CLNK: variants seen among roughly 807,000 people sequenced by gnomAD.
CLNK encodes the protein cytokine-dependent hematopoietic cell linker.
CLNK carries 74 observed loss-of-function variants against 68.6 expected under a neutral mutation model. The ratio of observed to expected loss-of-function variants is 1.08; its 90% CI spans 0.89 to 1.31. CLNK has a LOEUF of 1.31. Ranked by LOEUF, CLNK falls within the 50% of genes most tolerant of loss-of-function variation. The pLI, the probability that CLNK is intolerant of heterozygous loss-of-function variation, is 0.00. For synonymous variants in CLNK, 198 were observed against 172.2 expected (o/e 1.15, Z -1.17); for missense variants, 553 against 515.3 (o/e 1.07, Z -0.71).
At chr4:10,652,419 C>T (rs12509884) in intron 2 of CLNK, among the ~76,000 whole-genome samples, 58,062 of 140,394 alleles carry the variant, frequency 0.41, 12,940 homozygotes, top group Non-Finnish European at 0.51. Flanking sequence ...AAAAAGACAT[C>T]TGTTTCACTA....
intron 2 of CLNK, among the ~76,000 whole-genome samples, chr4:10,666,532 T>A (rs1198754374): frequency 1.3e-5 from 2 of 152,102 alleles, no homozygotes; most frequent in Non-Finnish European, 2.9e-5. Context: ...GAACTGGGAG[T>A]CAGACAGACT....
At chr4:10,567,131 G>GAAA (rs61037076) in intron 5 of CLNK, among the ~76,000 whole-genome samples, 25 of 110,538 alleles carry the variant, frequency 2.3e-4, no homozygotes, top group African/African-American at 6.1e-4. Context: ...ACAATCTTGG[G>GAAA]AAAAAAAAAA....
intron 2 of CLNK, among the ~76,000 whole-genome samples, chr4:10,604,852 A>G (rs1454636924): frequency 6.6e-6 from 1 of 152,254 alleles, no homozygotes; most frequent in Non-Finnish European, 1.5e-5. Context: ...CAACTTGGCT[A>G]GGCTATGGTG....
chr4:10,601,292 C>T (rs370417790), intron 2 of CLNK, among the ~76,000 whole-genome samples: 24 of 151,968 alleles, frequency 1.6e-4, no homozygotes, highest in East Asian at 3.9e-4. Flanking sequence ...GACACACCAG[C>T]GAGAAGGAAA....
rs1439766520 is a variant in CLNK, at chr4:10,488,109, T to A, written c.*2358A>T. On this transcript the variant is annotated 3_prime_UTR_variant, in exon 19 of 19. Transcript: ENST00000226951. ...TATTGCAAGATGTTTAATTTCTTTT[T>A]TTTCTTCCTTTTCCCCTCATTCTTG... 6.6e-6 allele frequency: 1 copy of A among 152,246 alleles called. No individual in the cohort carries two copies. The highest frequency in any genetic ancestry group is 2.4e-5 in the African/African-American group (1 of 41,470). The allele number at this position is 152,246 out of a possible 1,614,324, so 9.4% of individuals were successfully genotyped here. A position where few individuals can be genotyped will look rare whatever the true frequency, so the allele number is the denominator to read the frequency against.
At chr4:10,725,554 C>T in the CLNK span, among the ~76,000 whole-genome samples, 1 of 152,138 alleles carries the variant, frequency 6.6e-6, no homozygotes, top group African/African-American at 2.4e-5. Flanking sequence ...ATCCCCATTT[C>T]CCCTCCCCAG....
intron 18 of CLNK, among the ~76,000 whole-genome samples, 165 bp downstream of exon 18, chr4:10,501,091 G>A (rs1391612073): frequency 6.6e-6 from 1 of 152,248 alleles, no homozygotes; most frequent in African/African-American, 2.4e-5. Flanking sequence ...TGGCCTGGTA[G>A]GCCAAAGTGT....
At chr4:10,557,281 C>G (rs1469762749) in intron 8 of CLNK, among the ~76,000 whole-genome samples, 4 of 152,004 alleles carry the variant, frequency 2.6e-5, no homozygotes, top group African/African-American at 4.8e-5. Flanking sequence ...CCTTCTCTAC[C>G]CTGCTCTCCG....
intron 2 of CLNK, among the ~76,000 whole-genome samples, chr4:10,615,394 G>A (rs375225828): frequency 1.3e-5 from 2 of 152,056 alleles, no homozygotes; most frequent in East Asian, 1.9e-4. Flanking sequence ...GGAGGAAGGA[G>A]AATCGCTTGA....
chr4:10,550,890 A>G (rs775311411), intron 8 of CLNK, among the ~76,000 whole-genome samples: 3 of 152,184 alleles, frequency 2.0e-5, no homozygotes, highest in African/African-American at 4.8e-5. Context: ...TTGGACCATT[A>G]TTAGGTAAAA....
At chr4:10,529,373 T>A (rs752592651) in intron 12 of CLNK, among the ~76,000 whole-genome samples, 1 of 152,228 alleles carries the variant, frequency 6.6e-6, no homozygotes, top group Non-Finnish European at 1.5e-5. Context: ...CATGCCATTC[T>A]CCTAGATTCC....
intron 2 of CLNK, among the ~76,000 whole-genome samples, chr4:10,664,737 C>T (rs1206049643): frequency 6.6e-6 from 1 of 152,188 alleles, no homozygotes; most frequent in African/African-American, 2.4e-5. Flanking sequence ...TGCTGTGCAG[C>T]CTGCCCTTAG....
chr4:10,532,199 G>A, intron 12 of CLNK, 57 bp downstream of exon 12: 1 of 1,320,964 alleles, frequency 7.6e-7, no homozygotes, highest in Non-Finnish European at 1.1e-6. Flanking sequence ...GCCTATTGCA[G>A]ACATTTAATG....
At chr4:10,679,773 T>TC (rs1323778993) in intron 1 of CLNK, among the ~76,000 whole-genome samples, 11 of 152,102 alleles carry the variant, frequency 7.2e-5, no homozygotes, top group Non-Finnish European at 1.3e-4. Context: ...AATATGCTCA[T>TC]CATCACTGGC....
intron 2 of CLNK, among the ~76,000 whole-genome samples, chr4:10,619,833 G>A (rs1258214928): frequency 1.3e-5 from 2 of 152,126 alleles, no homozygotes; most frequent in African/African-American, 4.8e-5. Context: ...AAGAAACTGA[G>A]GCTAAGGAGG....
chr4:10,565,775 G>T (rs950032964), intron 6 of CLNK, among the ~76,000 whole-genome samples: 3 of 152,032 alleles, frequency 2.0e-5, no homozygotes, highest in African/African-American at 7.2e-5. Context: ...CTCAACATGC[G>T]TCATTCACAT....
Position 10,511,934 on chromosome 4 carries a change from C to T in CLNK, c.906+1530G>A, listed in dbSNP as rs571213025. Among the ~76,000 whole-genome samples, 4 of 152,172 alleles carry T rather than the reference C, an allele frequency of 2.6e-5. No individual in the cohort carries two copies. In the South Asian group the frequency reaches 6.2e-4, roughly 24 times the overall value. On this transcript the variant is annotated intron_variant, in intron 16 of 18. Transcript: ENST00000226951. ...ATATAATACTAGTTAAAAAAATTAA[C>T]CAGAGTAGTGATATAAAGTGAAAAC...
intron 4 of CLNK, among the ~76,000 whole-genome samples, chr4:10,582,144 T>G (rs1720806278): frequency 6.6e-6 from 1 of 152,228 alleles, no homozygotes; most frequent in East Asian, 1.9e-4. Context: ...GAGATTCAAC[T>G]ATCAATTTTT....
At chr4:10,663,975 A>G (rs944055987) in intron 2 of CLNK, among the ~76,000 whole-genome samples, 14 of 152,210 alleles carry the variant, frequency 9.2e-5, no homozygotes, top group African/African-American at 2.4e-5. Context: ...TAAATCTGCT[A>G]GCCCCATGTT....
Sources: allele counts gnomAD v4.1 joint callset (sites outside exome capture counted in the v4.1 genomes callset), GRCh38; gene constraint gnomAD v4.1.1; transcripts MANE v1.5; gene names NCBI Gene and HGNC (gene_info 2026-07-23, HGNC 2026-07-21).